POFUT3: variants seen among roughly 807,000 people sequenced by gnomAD.
POFUT3 encodes GDP-fucose protein O-fucosyltransferase 3.
chr8:33,356,518 TG>T, the POFUT3 span, among the ~76,000 whole-genome samples: 5 of 152,062 alleles, frequency 3.3e-5, no homozygotes, highest in Non-Finnish European at 7.4e-5. Flanking sequence ...TTGATGGGGT[TG>T]TTTTTTTTTT....
At chr8:33,418,693 A>G in the POFUT3 span, among the ~76,000 whole-genome samples, 6 of 152,148 alleles carry the variant, frequency 3.9e-5, no homozygotes, top group Non-Finnish European at 8.8e-5. Flanking sequence ...CTAAAAACAG[A>G]GCTACCATGT....
At chr8:33,469,808 T>C in the POFUT3 span, among the ~76,000 whole-genome samples, 1 of 135,624 alleles carries the variant, frequency 7.4e-6, no homozygotes, top group African/African-American at 3.0e-5. Flanking sequence ...TTTTTCTTTT[T>C]TTTTTTTTTT....
the POFUT3 span, among the ~76,000 whole-genome samples, chr8:33,338,125 A>G: frequency 1.3e-5 from 2 of 152,142 alleles, no homozygotes; most frequent in South Asian, 2.1e-4. Flanking sequence ...TTAATTGACT[A>G]CTGCTTTAAA....
chr8:33,467,165 C>T, the POFUT3 span, among the ~76,000 whole-genome samples: 3 of 137,910 alleles, frequency 2.2e-5, no homozygotes, highest in Non-Finnish European at 4.6e-5. Context: ...CCCAGCTACT[C>T]GGGAGGCTGA....
chr8:33,378,368 G>A, the POFUT3 span, among the ~76,000 whole-genome samples: 1 of 152,162 alleles, frequency 6.6e-6, no homozygotes, highest in Non-Finnish European at 1.5e-5. Context: ...ATGGTTGGGT[G>A]CAGGATGGAA....
At chr8:33,364,833 C>A in the POFUT3 span, among the ~76,000 whole-genome samples, 1 of 151,738 alleles carries the variant, frequency 6.6e-6, no homozygotes, top group African/African-American at 2.4e-5. Flanking sequence ...AAAATGGCCA[C>A]CCAAAGTAAT....
At chr8:33,342,062 C>G in the POFUT3 span, among the ~76,000 whole-genome samples, 1 of 152,140 alleles carries the variant, frequency 6.6e-6, no homozygotes, top group Non-Finnish European at 1.5e-5. Context: ...TCCCTGTAGT[C>G]CCAGCTACTT....
the POFUT3 span, chr8:33,436,491 G>T: frequency 7.5e-7 from 1 of 1,337,392 alleles, no homozygotes; most frequent in East Asian, 2.3e-5. Context: ...TCTCATTCGT[G>T]CTGGCTTCCA....
At chr8:33,310,728 G>GAA in the POFUT3 span, among the ~76,000 whole-genome samples, 1 of 150,214 alleles carries the variant, frequency 6.7e-6, no homozygotes, top group Non-Finnish European at 1.5e-5. Context: ...AGAAAAGACA[G>GAA]AACATTGTCG....
the POFUT3 span, among the ~76,000 whole-genome samples, chr8:33,321,063 ACACT>A: frequency 6.6e-6 from 1 of 152,094 alleles, no homozygotes; most frequent in African/African-American, 2.4e-5. Context: ...CCTGCAAAAT[ACACT>A]CACTCCTTCT....
chr8:33,388,436 C>T, the POFUT3 span, among the ~76,000 whole-genome samples: 3 of 149,276 alleles, frequency 2.0e-5, no homozygotes, highest in Middle Eastern at 3.2e-3. Context: ...TCCTGGATTC[C>T]AGCAATTCTC....
the POFUT3 span, among the ~76,000 whole-genome samples, chr8:33,410,331 T>C: frequency 6.6e-6 from 1 of 152,150 alleles, no homozygotes; most frequent in African/African-American, 2.4e-5. Flanking sequence ...AAGGAAATGA[T>C]CACTTTTCAG....
the POFUT3 span, among the ~76,000 whole-genome samples, chr8:33,345,826 C>CT: frequency 1.0e-3 from 143 of 137,666 alleles, no homozygotes; most frequent in African/African-American, 2.1e-3. Context: ...GTATTTATTA[C>CT]TTTTTTTTTT....
chr8:33,327,486 T>C, the POFUT3 span, among the ~76,000 whole-genome samples: 1 of 152,104 alleles, frequency 6.6e-6, no homozygotes, highest in African/African-American at 2.4e-5. Context: ...GTCTGATATA[T>C]TATTTTCTGA....
the POFUT3 span, among the ~76,000 whole-genome samples, chr8:33,349,124 G>A: frequency 3.3e-5 from 5 of 152,292 alleles, no homozygotes; most frequent in South Asian, 2.1e-4. Context: ...GAGTAGTTCC[G>A]TGTCAAGGGT....
At chr8:33,320,400 C>T in the POFUT3 span, among the ~76,000 whole-genome samples, 4,960 of 151,978 alleles carry the variant, frequency 0.033, 157 homozygotes, top group East Asian at 0.14. Context: ...TTTTTTAATT[C>T]TGGGGTGTTG....
the POFUT3 span, among the ~76,000 whole-genome samples, chr8:33,403,902 A>G: frequency 3.3e-5 from 5 of 152,122 alleles, 1 homozygote; most frequent in South Asian, 1.0e-3. Flanking sequence ...CAGTCATGCC[A>G]AGGGCAGCCT....
the POFUT3 span, among the ~76,000 whole-genome samples, chr8:33,469,899 G>T: frequency 5.5e-5 from 8 of 146,462 alleles, no homozygotes; most frequent in African/African-American, 7.5e-5. Context: ...GAGTTCAGGC[G>T]ATTCTCCTGC....
chr8:33,406,861 CT>C, the POFUT3 span, among the ~76,000 whole-genome samples: 1 of 152,056 alleles, frequency 6.6e-6, no homozygotes, highest in Non-Finnish European at 1.5e-5. Flanking sequence ...TCCCTGGCCC[CT>C]AGTAGACTTC....
Sources: gnomAD v4.1 joint callset for allele counts (sites outside exome capture counted in the v4.1 genomes callset) on GRCh38, gnomAD v4.1.1 for gene constraint, MANE v1.5 for transcripts, NCBI Gene and HGNC (gene_info 2026-07-23, HGNC 2026-07-21) for gene names.